GLT8D2: variants seen among roughly 807,000 people sequenced by gnomAD.
The protein encoded by GLT8D2 is glycosyltransferase 8 domain containing 2, also known as glycosyltransferase 8 domain-containing protein 2.
In GLT8D2, 45 loss-of-function variants were observed where a neutral mutation model predicts 44.5. The observed-to-expected ratio is 1.01, with a 90% CI of 0.80 to 1.30. The LOEUF (loss-of-function observed/expected upper bound fraction) is 1.30. GLT8D2 is among the 50% of genes most tolerant of loss of function. The pLI is 0.00. For synonymous variants in GLT8D2, 156 were observed against 157.2 expected, an observed-to-expected ratio of 0.99 and a Z score of 0.06; for missense variants, 400 against 430.4, an observed-to-expected ratio of 0.93 and a Z score of 0.62.
intron 10 of GLT8D2, 105 bp downstream of exon 10, chr12:103,993,287 C>T (rs1240821860): frequency 1.8e-5 from 15 of 847,176 alleles, no homozygotes; most frequent in South Asian, 5.8e-5. Context: ...GCCGAGATCA[C>T]GCCATTGCAC....
intron 1 of GLT8D2, among the ~76,000 whole-genome samples, chr12:104,055,556 C>G (rs1882112920): frequency 6.6e-6 from 1 of 152,136 alleles, no homozygotes; most frequent in Non-Finnish European, 1.5e-5. Context: ...TGAGTGCAAC[C>G]CCATGCAATA....
At chr12:104,008,544 A>G (rs1221818037) in intron 4 of GLT8D2, among the ~76,000 whole-genome samples, 2 of 152,190 alleles carry the variant, frequency 1.3e-5, no homozygotes, top group African/African-American at 2.4e-5. Context: ...CAGCCTGACA[A>G]TGTGATAGAA....
At chr12:103,997,586 T>C (rs750050968) in intron 6 of GLT8D2, 51 bp from the exon 7 acceptor site, 16 of 1,303,488 alleles carry the variant, frequency 1.2e-5, no homozygotes, top group Admixed American at 5.0e-5. Context: ...TATGGCTTAG[T>C]GTCTTCTGGG....
At chr12:104,006,808 C>T (rs2136312858) in intron 4 of GLT8D2, among the ~76,000 whole-genome samples, 1 of 152,290 alleles carries the variant, frequency 6.6e-6, no homozygotes, top group Admixed American at 6.5e-5. Flanking sequence ...AACACAAAAT[C>T]TATTATTTTG....
At chr12:104,033,529 G>A (rs542486994) in intron 1 of GLT8D2, among the ~76,000 whole-genome samples, 10 of 152,120 alleles carry the variant, frequency 6.6e-5, no homozygotes, top group African/African-American at 2.4e-4. Flanking sequence ...TCGGTCAAAG[G>A]GTACAAGCTT....
At chr12:104,049,202 A>C (rs1174572514) in intron 1 of GLT8D2, among the ~76,000 whole-genome samples, 6 of 151,756 alleles carry the variant, frequency 4.0e-5, no homozygotes, top group Admixed American at 2.0e-4. Context: ...TTCAAAGCAC[A>C]TCCAGACATT....
At chr12:104,061,069 A>G (rs1882605250) in intron 1 of GLT8D2, among the ~76,000 whole-genome samples, 1 of 152,214 alleles carries the variant, frequency 6.6e-6, no homozygotes, top group Non-Finnish European at 1.5e-5. Flanking sequence ...AGAGGCATGG[A>G]AGCATTCTTT....
chr12:104,047,160 A>G (rs753823667), intron 1 of GLT8D2, among the ~76,000 whole-genome samples: 125 of 151,982 alleles, frequency 8.2e-4, no homozygotes, highest in Admixed American at 1.8e-3. Context: ...ACAAAACTTT[A>G]TTTCTTATAG....
chr12:104,023,532 TAA>T (rs1355208611), intron 1 of GLT8D2, among the ~76,000 whole-genome samples: 1 of 152,222 alleles, frequency 6.6e-6, no homozygotes, highest in Admixed American at 6.5e-5. Context: ...AGCTGATTTT[TAA>T]GTTTTTAAAA....
intron 6 of GLT8D2, 82 bp downstream of exon 6, chr12:103,999,315 T>C: frequency 1.4e-6 from 1 of 727,678 alleles, no homozygotes; most frequent in Non-Finnish European, 2.4e-6. Flanking sequence ...ATATTCCACA[T>C]GCATCCCGGT....
chr12:104,004,881 CT>C (rs1325207281), intron 4 of GLT8D2, among the ~76,000 whole-genome samples: 2 of 152,192 alleles, frequency 1.3e-5, no homozygotes, highest in East Asian at 3.8e-4. Context: ...GAAAAAAATA[CT>C]TTAAAGTTCA....
chr12:104,017,448 G>C (rs549242173), intron 3 of GLT8D2, among the ~76,000 whole-genome samples: 1 of 151,988 alleles, frequency 6.6e-6, no homozygotes, highest in African/African-American at 2.4e-5. Flanking sequence ...TCAGCCTCCC[G>C]AGTAGCTGGG....
rs1193326140 is a variant in GLT8D2, at chr12:104,015,036, C to G, written c.89G>C (p.Gly30Ala). The part of the protein sequence containing the change: ...CVILYKKVHK[G>A]TVPKNDADDE... ...ACCTGCGTCATTCTTGGGCACAGTC[C>G]CCTTATGAACTTTCTTATACAGAAT... Residue 30 changes from glycine to alanine, a missense_variant, in exon 4 of 11, where the codon GGG (glycine) becomes GCG (alanine). Gly to Ala is a moderately conservative substitution (Grantham distance 60). Transcript: ENST00000360814. The G allele has an allele frequency of 6.2e-7, 1 of 1,613,206 alleles. No individual in the cohort carries two copies. Among genetic ancestry groups the G allele is most frequent in the South Asian group, 1.1e-5 (1 of 91,046 alleles).
chr12:104,054,717 T>C (rs1920410), upstream of GLT8D2, among the ~76,000 whole-genome samples: 41,097 of 151,822 alleles, frequency 0.27, 7,825 homozygotes, highest in African/African-American at 0.52. Flanking sequence ...AGTACTTCCT[T>C]GAAAGCTAGT....
At chr12:104,022,071 AAAG>A (rs1314357121) in intron 1 of GLT8D2, among the ~76,000 whole-genome samples, 1 of 139,410 alleles carries the variant, frequency 7.2e-6, no homozygotes, top group Non-Finnish European at 1.5e-5. Flanking sequence ...AGAAAGAAAG[AAAG>A]AAAAAAAAAG....
intron 3 of GLT8D2, among the ~76,000 whole-genome samples, chr12:104,017,221 C>CT (rs994678407): frequency 3.8e-3 from 551 of 146,450 alleles, no homozygotes; most frequent in African/African-American, 0.012. Flanking sequence ...TTAAAGCTAC[C>CT]TTTTTTTTTT....
In GLT8D2 at chr12:104,021,983, GGAA is replaced by G. The variant is rs1296709552; in HGVS notation, c.-163-495_-163-493del. Among the ~76,000 whole-genome samples the G allele has an allele frequency of 3.8e-4, 7 of 18,182 alleles. 1 individual carries two copies. The highest frequency in any genetic ancestry group is 6.4e-4 in the Non-Finnish European group (6 of 9,398). The allele number at this position is 18,182 out of a possible 152,430, so 11.9% of individuals were successfully genotyped here. On this transcript the variant is annotated intron_variant, in intron 1 of 10. Transcript: ENST00000360814. ...AAGAAGAGGAAGAGGAAGAGGAAGA[GGAA>G]GAAGAAGAAGAAGAAGAAGAAGAAG...
chr12:104,044,073 A>C (rs1015978319), intron 1 of GLT8D2, among the ~76,000 whole-genome samples: 1 of 152,130 alleles, frequency 6.6e-6, no homozygotes, highest in Non-Finnish European at 1.5e-5. Flanking sequence ...CTCTCAGAGC[A>C]AAAACCAAAG....
intron 3 of GLT8D2, among the ~76,000 whole-genome samples, chr12:104,016,743 GAAAGAA>G (rs1876731584): frequency 1.0e-5 from 1 of 99,706 alleles, no homozygotes; most frequent in African/African-American, 3.8e-5. Flanking sequence ...AAGAAAGAAA[GAAAGAA>G]AGAAAGAAAG....
Sources: allele counts gnomAD v4.1 joint callset (sites outside exome capture counted in the v4.1 genomes callset), GRCh38; gene constraint gnomAD v4.1.1; transcripts MANE v1.5; gene names NCBI Gene and HGNC (gene_info 2026-07-23, HGNC 2026-07-21).